Variants in CTNNA2 observed in about 807,000 individuals in gnomAD.
The protein encoded by CTNNA2 is catenin alpha-2.
A neutral mutation model predicts 101.0 loss-of-function variants in CTNNA2; 42 were observed. That is an observed-to-expected ratio of 0.42 (90% CI 0.32 to 0.54). CTNNA2 has a LOEUF of 0.54. Among genes scored for constraint, CTNNA2 ranks in the 20% least tolerant of loss-of-function variants. CTNNA2 has a pLI of 0.14. For missense variants in CTNNA2, 871 were observed against 1,223.1 expected, an observed-to-expected ratio of 0.71 and a Z score of 4.29; for synonymous variants, 450 against 456.4, an observed-to-expected ratio of 0.99 and a Z score of 0.18.
intron 7 of CTNNA2, among the ~76,000 whole-genome samples, chr2:80,339,879 A>G (rs1045869102): frequency 2.6e-5 from 4 of 152,198 alleles, no homozygotes; most frequent in African/African-American, 4.8e-5. Flanking sequence ...TGTTTTCTGT[A>G]AGCAAGTAAC....
At chr2:79,581,195 T>G (rs1676125893) in intron 1 of CTNNA2, among the ~76,000 whole-genome samples, 1 of 152,238 alleles carries the variant, frequency 6.6e-6, no homozygotes, top group South Asian at 2.1e-4. Flanking sequence ...GTGGTTATTC[T>G]TAACATTATG....
chr2:80,102,695 A>G (rs1469231790), intron 7 of CTNNA2, among the ~76,000 whole-genome samples: 1 of 152,056 alleles, frequency 6.6e-6, no homozygotes, highest in Non-Finnish European at 1.5e-5. Context: ...TATTTTTAGT[A>G]GAGACGGGGT....
chr2:79,717,378 C>T (rs912404533), intron 2 of CTNNA2, among the ~76,000 whole-genome samples: 5 of 152,078 alleles, frequency 3.3e-5, no homozygotes, highest in Non-Finnish European at 7.3e-5. Flanking sequence ...GAAGAAATAG[C>T]GAAAGGCATG....
At chr2:80,107,410 A>G (rs1385379298) in intron 7 of CTNNA2, among the ~76,000 whole-genome samples, 2 of 151,548 alleles carry the variant, frequency 1.3e-5, no homozygotes, top group Non-Finnish European at 1.5e-5. Context: ...TTTCAGGGGG[A>G]TGGTTGGCCC....
intron 2 of CTNNA2, among the ~76,000 whole-genome samples, chr2:79,209,489 A>G (rs1674142055): frequency 6.6e-6 from 1 of 152,176 alleles, no homozygotes; most frequent in African/African-American, 2.4e-5. Flanking sequence ...TGGTTCTCTC[A>G]TTAAATGAGT....
At chr2:79,656,344 C>T (rs774722095) in intron 2 of CTNNA2, among the ~76,000 whole-genome samples, 7 of 152,064 alleles carry the variant, frequency 4.6e-5, no homozygotes, top group Non-Finnish European at 5.9e-5. Flanking sequence ...CAAACCAAGG[C>T]CCCAGTTGTA....
chr2:80,042,548 T>G (rs1696136804), intron 7 of CTNNA2, among the ~76,000 whole-genome samples: 1 of 152,134 alleles, frequency 6.6e-6, no homozygotes, highest in Non-Finnish European at 1.5e-5. Flanking sequence ...ATGGCAAATC[T>G]TCATCTAAAG....
intron 5 of CTNNA2, among the ~76,000 whole-genome samples, chr2:79,871,428 T>C (rs1682571366): frequency 6.6e-6 from 1 of 152,116 alleles, no homozygotes; most frequent in Non-Finnish European, 1.5e-5. Flanking sequence ...GAGAGAGAGA[T>C]AGAGAGCCCC....
intron 7 of CTNNA2, among the ~76,000 whole-genome samples, chr2:80,314,661 G>A (rs1677931000): frequency 6.6e-6 from 1 of 152,204 alleles, no homozygotes; most frequent in Non-Finnish European, 1.5e-5. Context: ...AGCTGCAAAG[G>A]AAACGTGTAA....
intron 7 of CTNNA2, among the ~76,000 whole-genome samples, chr2:80,280,242 G>A (rs1445652915): frequency 6.8e-6 from 1 of 148,012 alleles, no homozygotes; most frequent in Admixed American, 6.6e-5. Context: ...GAATCTTCTG[G>A]TATTTCTCAA....
intron 7 of CTNNA2, among the ~76,000 whole-genome samples, chr2:80,017,085 G>A (rs1333817189): frequency 1.3e-5 from 2 of 152,148 alleles, no homozygotes; most frequent in African/African-American, 4.8e-5. Flanking sequence ...AGGGAGCCCA[G>A]GGCTTATGCT....
chr2:79,931,884 C>T (rs1304799816), intron 7 of CTNNA2, among the ~76,000 whole-genome samples: 1 of 152,206 alleles, frequency 6.6e-6, no homozygotes, highest in Non-Finnish European at 1.5e-5. Flanking sequence ...GGAGAGGTCA[C>T]CTACTCTCAG....
At chr2:80,064,511 T>C (rs1443929846) in intron 7 of CTNNA2, among the ~76,000 whole-genome samples, 2 of 152,206 alleles carry the variant, frequency 1.3e-5, no homozygotes, top group Non-Finnish European at 2.9e-5. Flanking sequence ...AGCTGAATGG[T>C]CCTTTCACTG....
chr2:79,461,398 T>C (rs894726243), intron 4 of CTNNA2, among the ~76,000 whole-genome samples: 2 of 152,188 alleles, frequency 1.3e-5, no homozygotes, highest in East Asian at 1.9e-4. Context: ...GTGCGAGTGC[T>C]TATGTTATGA....
chr2:80,607,384 T>C (rs1313727164), intron 16 of CTNNA2, among the ~76,000 whole-genome samples: 1 of 151,786 alleles, frequency 6.6e-6, no homozygotes, highest in Admixed American at 6.6e-5. Context: ...GCCTCAGAAA[T>C]GTTTTCAGGA....
intron 2 of CTNNA2, among the ~76,000 whole-genome samples, chr2:79,214,850 T>C (rs547956517): frequency 2.6e-4 from 40 of 151,860 alleles, no homozygotes; most frequent in Non-Finnish European, 4.9e-4. Flanking sequence ...TTGTCTAAGT[T>C]GGCACCAGAG....
intron 7 of CTNNA2, among the ~76,000 whole-genome samples, chr2:80,115,337 G>C (rs951709777): frequency 6.6e-6 from 1 of 152,146 alleles, no homozygotes; most frequent in East Asian, 1.9e-4. Flanking sequence ...AACAGACATG[G>C]TATACACTTA....
intron 3 of CTNNA2, among the ~76,000 whole-genome samples, chr2:79,793,387 G>A (rs1017613501): frequency 6.6e-6 from 1 of 152,142 alleles, no homozygotes; most frequent in East Asian, 1.9e-4. Flanking sequence ...ATGCAGTGGG[G>A]CTGCACCCCA....
At chr2:80,387,446 G>C (rs1364541159) in intron 7 of CTNNA2, among the ~76,000 whole-genome samples, 14 of 152,142 alleles carry the variant, frequency 9.2e-5, no homozygotes, top group Admixed American at 9.2e-4. Flanking sequence ...GGGGTGATGG[G>C]TATTTATATA....
Sources: allele counts gnomAD v4.1 joint callset (sites outside exome capture counted in the v4.1 genomes callset), GRCh38; gene constraint gnomAD v4.1.1; transcripts MANE v1.5; gene names NCBI Gene and HGNC (gene_info 2026-07-23, HGNC 2026-07-21).